LRBA: variants seen among roughly 807,000 people sequenced by gnomAD.
LRBA encodes LPS responsive beige-like anchor protein, also known as lipopolysaccharide-responsive and beige-like anchor protein.
LRBA carries 176 observed loss-of-function variants against 330.0 expected under a neutral mutation model. That is an observed-to-expected ratio of 0.53 (90% CI 0.47 to 0.60). The LOEUF (loss-of-function observed/expected upper bound fraction) is 0.60. Ranked by LOEUF, LRBA falls within the 20% of genes least tolerant of loss-of-function variation. The pLI, the probability that LRBA is intolerant of heterozygous loss-of-function variation, is 0.00. For missense variants in LRBA, 3,259 were observed against 3,444.8 expected, an observed-to-expected ratio of 0.95 and a Z score of 1.35; for synonymous variants, 1,230 against 1,193.0, an observed-to-expected ratio of 1.03 and a Z score of -0.64.
chr4:150,985,097 A>C (rs1443260250), intron 2 of LRBA, among the ~76,000 whole-genome samples: 4 of 152,110 alleles, frequency 2.6e-5, no homozygotes, highest in African/African-American at 9.7e-5. Flanking sequence ...GTCTCTACTA[A>C]AAATACAAAA....
intron 35 of LRBA, among the ~76,000 whole-genome samples, chr4:150,741,076 C>T (rs1316620576): frequency 6.6e-6 from 1 of 151,984 alleles, no homozygotes; most frequent in Non-Finnish European, 1.5e-5. Context: ...TAGAAGATTA[C>T]ATAAGAGAGC....
intron 47 of LRBA, among the ~76,000 whole-genome samples, chr4:150,364,629 A>C (rs1739180144): frequency 6.6e-6 from 1 of 152,174 alleles, no homozygotes; most frequent in Non-Finnish European, 1.5e-5. Flanking sequence ...GTATATACTA[A>C]ATCTGGTGTG....
chr4:150,520,932 T>C (rs1762860647), intron 40 of LRBA, among the ~76,000 whole-genome samples: 1 of 152,228 alleles, frequency 6.6e-6, no homozygotes, highest in South Asian at 2.1e-4. Context: ...AGCTATGTAT[T>C]CATTTTCTTA....
At chr4:150,922,305 T>A (rs2149497189) in intron 4 of LRBA, among the ~76,000 whole-genome samples, 1 of 151,882 alleles carries the variant, frequency 6.6e-6, no homozygotes, top group South Asian at 2.1e-4. Flanking sequence ...TACTTGCACA[T>A]GCATGTTTAT....
intron 34 of LRBA, among the ~76,000 whole-genome samples, chr4:150,787,268 C>T (rs536036642): frequency 1.2e-4 from 18 of 151,516 alleles, no homozygotes; most frequent in Admixed American, 9.9e-4. Context: ...TAATTTACAA[C>T]CTACTTTGCT....
At chr4:150,784,060 T>A (rs957551704) in intron 34 of LRBA, among the ~76,000 whole-genome samples, 2 of 152,228 alleles carry the variant, frequency 1.3e-5, no homozygotes, top group Non-Finnish European at 2.9e-5. Context: ...CTAATTCTTT[T>A]ATCTCACTCT....
chr4:150,620,954 G>GA (rs916119215), intron 37 of LRBA, among the ~76,000 whole-genome samples: 19 of 150,174 alleles, frequency 1.3e-4, no homozygotes, highest in Non-Finnish European at 1.2e-4. Context: ...TTGTTGAAAT[G>GA]AAAAAAAAAC....
chr4:150,488,191 G>C (rs1006304738), intron 41 of LRBA, among the ~76,000 whole-genome samples: 6 of 151,578 alleles, frequency 4.0e-5, no homozygotes, highest in Non-Finnish European at 8.9e-5. Flanking sequence ...TTACAAAAAT[G>C]AATTTTGGCA....
chr4:150,538,448 G>A (rs1764922725), intron 40 of LRBA, among the ~76,000 whole-genome samples: 1 of 152,142 alleles, frequency 6.6e-6, no homozygotes, highest in Admixed American at 6.5e-5. Context: ...ATGGAAAACT[G>A]CACAGCCATA....
At chr4:150,943,976 A>G (rs1180378751) in intron 2 of LRBA, among the ~76,000 whole-genome samples, 1 of 152,212 alleles carries the variant, frequency 6.6e-6, no homozygotes, top group East Asian at 1.9e-4. Flanking sequence ...GCTCACTTAG[A>G]GAGGAACAGT....
chr4:150,961,666 T>C (rs960904828), intron 2 of LRBA, among the ~76,000 whole-genome samples: 1 of 149,178 alleles, frequency 6.7e-6, no homozygotes, highest in Admixed American at 6.6e-5. Context: ...GCCAGGAAGC[T>C]GTGAAAAAGA....
rs2126906054 is a variant in LRBA, at chr4:150,849,015, T to G, written c.4159-17A>C. The G allele has an allele frequency of 6.5e-7, 1 of 1,538,406 alleles. No individual in the cohort carries two copies. Among genetic ancestry groups the G allele is most frequent in the Non-Finnish European group, 8.8e-7 (1 of 1,140,052 alleles). On this transcript the variant is annotated splice_polypyrimidine_tract_variant and intron_variant, in intron 25 of 56. Transcript: ENST00000651943. ...CAGTTCATGCTGTAAAGAATAAAGTTTGACATTTATATATATATATTCTGA... is the reference window on the plus strand; with the variant it reads ...CAGTTCATGCTGTAAAGAATAAAGTGTGACATTTATATATATATATTCTGA...
chr4:150,698,074 A>T (rs558554099), intron 36 of LRBA, among the ~76,000 whole-genome samples: 2 of 152,300 alleles, frequency 1.3e-5, no homozygotes, highest in Non-Finnish European at 2.9e-5. Flanking sequence ...TTGCAAAATA[A>T]AATACTTTGT....
chr4:150,511,073 G>A lies in LRBA; in HGVS notation c.6331-20038C>T, dbSNP rs149010903. On this transcript the variant is annotated intron_variant, in intron 40 of 56. Transcript: ENST00000651943. ...GGGTTTCACCATGTTGGCTAGGCTG[G>A]TCTCAAATTCCTGACCTCAGGTCAT... Among the ~76,000 whole-genome samples the A allele has an allele frequency of 2.0e-5, 3 of 152,180 alleles. No individual in the cohort carries two copies. In the East Asian group the frequency reaches 5.8e-4, roughly 29 times the overall value.
intron 42 of LRBA, among the ~76,000 whole-genome samples, chr4:150,472,568 G>A (rs539981229): frequency 8.6e-5 from 13 of 151,856 alleles, no homozygotes; most frequent in South Asian, 2.1e-4. Context: ...ATCTCTTCTC[G>A]GCCTTTTGGC....
chr4:150,801,682 G>C (rs1741631565), intron 33 of LRBA, among the ~76,000 whole-genome samples: 1 of 152,080 alleles, frequency 6.6e-6, no homozygotes, highest in Admixed American at 6.6e-5. Context: ...AAATGGGATG[G>C]CCCAGGTTCT....
At chr4:150,450,544 G>C (rs758666448) in intron 44 of LRBA, among the ~76,000 whole-genome samples, 14 of 152,040 alleles carry the variant, frequency 9.2e-5, no homozygotes, top group Non-Finnish European at 1.9e-4. Flanking sequence ...TTTCATACAA[G>C]AACACCAGTC....
At chr4:150,341,272 A>T (rs1301832070) in intron 48 of LRBA, among the ~76,000 whole-genome samples, 1 of 152,090 alleles carries the variant, frequency 6.6e-6, no homozygotes, top group South Asian at 2.1e-4. Context: ...AACAATTCTC[A>T]TTCCTCAGCC....
chr4:150,443,463 A>T (rs934742447), intron 44 of LRBA, among the ~76,000 whole-genome samples: 2 of 152,252 alleles, frequency 1.3e-5, no homozygotes, highest in East Asian at 3.9e-4. Flanking sequence ...GTCCAACAAT[A>T]ATAGACTGGA....
Sources: allele counts gnomAD v4.1 joint callset (sites outside exome capture counted in the v4.1 genomes callset), GRCh38; gene constraint gnomAD v4.1.1; transcripts MANE v1.5; gene names NCBI Gene and HGNC (gene_info 2026-07-23, HGNC 2026-07-21).